SCN7A: variants seen among roughly 807,000 people sequenced by gnomAD.
The protein encoded by SCN7A is sodium voltage-gated channel alpha subunit 7, also known as sodium channel protein type 7 subunit alpha.
SCN7A carries 138 observed loss-of-function variants against 155.2 expected under a neutral mutation model. The ratio of observed to expected loss-of-function variants is 0.89; its 90% CI spans 0.77 to 1.02. The LOEUF (loss-of-function observed/expected upper bound fraction) is 1.02. Among genes scored for constraint, SCN7A ranks in the 50% least tolerant of loss-of-function variants. SCN7A has a pLI of 0.00. For missense variants in SCN7A, 2,058 were observed against 1,986.6 expected (o/e 1.04, Z -0.68); for synonymous variants, 693 against 649.0 (o/e 1.07, Z -1.03).
chr2:166,447,421 G>A (rs1702087178), intron 12 of SCN7A, among the ~76,000 whole-genome samples, 191 bp downstream of exon 12: 1 of 151,882 alleles, frequency 6.6e-6, no homozygotes, highest in Non-Finnish European at 1.5e-5. Flanking sequence ...GTACTCTTTG[G>A]TCACTCTTTC....
chr2:166,429,094 G>A (rs1311951471), intron 17 of SCN7A, 75 bp downstream of exon 17: 4 of 736,750 alleles, frequency 5.4e-6, no homozygotes, highest in Admixed American at 3.1e-5. Flanking sequence ...CTGACATACT[G>A]GATATGGAAC....
rs1701223558 is a variant in SCN7A, at chr2:166,412,524, ACTTAT to A, written c.3606+1_3606+5del. ...CATTGGATAAACAAATAATATTTAT[ACTTAT>A]CTTTATTTTATGCTTGTTGAAATTA... On this transcript the variant is annotated splice_donor_variant and splice_donor_5th_base_variant and intron_variant, in intron 23 of 25. Transcript: ENST00000643258. LOFTEE classifies it high-confidence loss of function. 1 of 1,460,698 alleles carries A rather than the reference ACTTAT, an allele frequency of 6.8e-7. No homozygotes were observed. The highest frequency in any genetic ancestry group is 9.0e-7 in the Non-Finnish European group (1 of 1,109,800). The allele number at this position is 1,460,698 out of a possible 1,614,324, so 90.5% of individuals were successfully genotyped here.
In SCN7A at chr2:166,456,827, TATAGATAG is replaced by T. The variant is rs768632050; in HGVS notation, c.1290+35_1290+42del. 2.1e-3 allele frequency: 1,353 copies of T among 638,736 alleles called. 24 individuals are homozygous for T. The highest frequency in any genetic ancestry group is 0.012 in the South Asian group (538 of 44,968). 39.6% of individuals were successfully genotyped at this position (638,736 alleles called of 1,614,324 possible). A position where few individuals can be genotyped will look rare whatever the true frequency, so the allele number is the denominator to read the frequency against. Reference sequence around the variant, plus strand: ...AAATATATATATATATATATATATATATAGATAGATAGATAGATAGATAGATAGATAGA... The same window carrying T: ...AAATATATATATATATATATATATATATAGATAGATAGATAGATAGATAGA... On this transcript the variant is annotated intron_variant, in intron 11 of 25. Transcript: ENST00000643258.
chr2:166,461,607 T>C (rs1702411131), intron 10 of SCN7A: 1 of 152,062 alleles, frequency 6.6e-6, no homozygotes, highest in African/African-American at 2.4e-5. Flanking sequence ...GCTTAAGATA[T>C]GGTAATGTCA....
At chr2:166,422,368 C>T (rs750807358) in intron 19 of SCN7A, among the ~76,000 whole-genome samples, 13 of 151,936 alleles carry the variant, frequency 8.6e-5, no homozygotes, top group Non-Finnish European at 1.2e-4. Flanking sequence ...AATAAATGAA[C>T]AAATGGTACA....
chr2:166,465,444 A>G lies in SCN7A; in HGVS notation c.941+18T>C. On this transcript the variant is annotated intron_variant, in intron 9 of 25. Coordinates refer to ENST00000643258, the MANE Select transcript of SCN7A (RefSeq NM_002976.4). ...ACAGGTGATAATGATTTAATAGAAT[A>G]AAACTAATACCACCTACCCAGCATC... 1 of 1,560,864 alleles carries G rather than the reference A, an allele frequency of 6.4e-7. No homozygotes were observed. Among genetic ancestry groups the G allele is most frequent in the South Asian group, 1.1e-5 (1 of 88,380 alleles).
chr2:166,404,824 G>GAAAAAAAAA lies in SCN7A; in HGVS notation c.*747_*755dup, dbSNP rs35675449. The GAAAAAAAAA allele has an allele frequency of 2.2e-4, 14 of 62,722 alleles. No individual in the cohort carries two copies. Among genetic ancestry groups the GAAAAAAAAA allele is most frequent in the East Asian group, 5.0e-4 (1 of 2,004 alleles). 3.9% of individuals were successfully genotyped at this position (62,722 alleles called of 1,614,324 possible). A position where few individuals can be genotyped will look rare whatever the true frequency, so the allele number is the denominator to read the frequency against. On this transcript the variant is annotated 3_prime_UTR_variant, in exon 26 of 26. Transcript: ENST00000643258. ...AAATAGGTGTAAATGAGAAGAAAAT[G>GAAAAAAAAA]AAAAAAAAAAAAAAAAAAAAGGCTA...
chr2:166,444,452 G>C (rs1307642182), intron 13 of SCN7A, among the ~76,000 whole-genome samples: 1 of 152,150 alleles, frequency 6.6e-6, no homozygotes, highest in Non-Finnish European at 1.5e-5. Context: ...GGTACCAAGA[G>C]ACTGTATATT....
At chr2:166,466,026 T>A (rs1702528162) in intron 7 of SCN7A, 39 bp from the exon 8 acceptor site, 2 of 1,484,158 alleles carry the variant, frequency 1.3e-6, no homozygotes, top group Admixed American at 3.9e-5. Context: ...TAATGTAATA[T>A]CTTAGAAAAG....
intron 1 of SCN7A, among the ~76,000 whole-genome samples, chr2:166,492,207 G>C (rs1683129026): frequency 6.6e-6 from 1 of 152,028 alleles, no homozygotes; most frequent in Non-Finnish European, 1.5e-5. Flanking sequence ...CAGGTCCAAC[G>C]GTCGTGTGCC....
chr2:166,451,989 CACA>C (rs1320067297), intron 11 of SCN7A, among the ~76,000 whole-genome samples: 13 of 151,802 alleles, frequency 8.6e-5, no homozygotes, highest in Non-Finnish European at 1.6e-4. Context: ...AAATATAAAT[CACA>C]ACACCATTAT....
chr2:166,437,385 G>A (rs1273207057), intron 15 of SCN7A, among the ~76,000 whole-genome samples: 5 of 152,212 alleles, frequency 3.3e-5, no homozygotes, highest in Admixed American at 2.0e-4. Flanking sequence ...AGGATGTATG[G>A]AAATGCCTGG....
At chr2:166,493,398 T>C (rs969526064) in intron 1 of SCN7A, among the ~76,000 whole-genome samples, 6 of 152,324 alleles carry the variant, frequency 3.9e-5, no homozygotes, top group Admixed American at 3.3e-4. Flanking sequence ...AAGAGATGCA[T>C]TTTATAGAGC....
chr2:166,446,716 T>G (rs1279639322), intron 12 of SCN7A, among the ~76,000 whole-genome samples: 1 of 152,196 alleles, frequency 6.6e-6, no homozygotes, highest in Non-Finnish European at 1.5e-5. Context: ...TTATGTCCTT[T>G]GCAGGGACAT....
At chr2:166,446,903 T>G (rs1301527544) in intron 12 of SCN7A, among the ~76,000 whole-genome samples, 6 of 151,976 alleles carry the variant, frequency 3.9e-5, no homozygotes, top group Non-Finnish European at 7.4e-5. Flanking sequence ...GGGAGAACAT[T>G]GGGAAAAGTG....
At chr2:166,457,573 C>T (rs1702313152) in intron 10 of SCN7A, among the ~76,000 whole-genome samples, 1 of 152,034 alleles carries the variant, frequency 6.6e-6, no homozygotes, top group Non-Finnish European at 1.5e-5. Flanking sequence ...GAGAGCAGGA[C>T]TATTTCTTTG....
At chr2:166,464,674 T>C (rs1702488442) in intron 9 of SCN7A, among the ~76,000 whole-genome samples, 1 of 152,182 alleles carries the variant, frequency 6.6e-6, no homozygotes, top group Non-Finnish European at 1.5e-5. Context: ...GCCTCAAACA[T>C]GCAGCCTTGC....
At chr2:166,477,892 A>G (rs1448768596) in intron 2 of SCN7A, among the ~76,000 whole-genome samples, 182 bp from the exon 3 acceptor site, 3 of 151,966 alleles carry the variant, frequency 2.0e-5, no homozygotes, top group Non-Finnish European at 4.4e-5. Context: ...TTAATTTGTA[A>G]TTTCATGAGT....
At chr2:166,457,272 A>G (rs989638406) in intron 10 of SCN7A, among the ~76,000 whole-genome samples, 196 bp from the exon 11 acceptor site, 1 of 152,218 alleles carries the variant, frequency 6.6e-6, no homozygotes, top group Non-Finnish European at 1.5e-5. Context: ...ACCTGCATGT[A>G]AGGTATACAA....
Sources: gnomAD v4.1 joint callset for allele counts (sites outside exome capture counted in the v4.1 genomes callset) on GRCh38, gnomAD v4.1.1 for gene constraint, MANE v1.5 for transcripts, NCBI Gene and HGNC (gene_info 2026-07-23, HGNC 2026-07-21) for gene names.